SEPTIN7: variants seen among roughly 807,000 people sequenced by gnomAD.
SEPTIN7 encodes the protein septin 7.
In SEPTIN7, 10 loss-of-function variants were observed where a neutral mutation model predicts 63.3. That is an observed-to-expected ratio of 0.16 (90% CI 0.10 to 0.27). The LOEUF is 0.27. Among genes scored for constraint, SEPTIN7 ranks in the 10% least tolerant of loss-of-function variants. The pLI, the probability that SEPTIN7 is intolerant of heterozygous loss-of-function variation, is 1.00. For synonymous variants in SEPTIN7, 131 were observed against 165.3 expected (o/e 0.79, Z 1.59); for missense variants, 310 against 521.0 (o/e 0.59, Z 3.94).
At chr7:35,842,809 T>C (rs1784473002) in intron 3 of SEPTIN7, among the ~76,000 whole-genome samples, 1 of 152,232 alleles carries the variant, frequency 6.6e-6, no homozygotes, top group African/African-American at 2.4e-5. Flanking sequence ...TGCTTCTCTT[T>C]TGTCCCCCTA....
rs567252238 is a variant in SEPTIN7, at chr7:35,899,193, A to C, written c.1134+810A>C. On this transcript the variant is annotated intron_variant, in intron 12 of 13. Transcript: ENST00000350320. ...AAACTATGGGTAATCCCAAAATAAC[A>C]GTGGTTTCAGTATGAAGTTTTCTTC... 2.0e-5 allele frequency: 3 copies of C among 152,368 alleles called. No individual in the cohort carries two copies. The South Asian group carries it at 6.2e-4, about 32-fold the overall frequency. 9.4% of individuals were successfully genotyped at this position (152,368 alleles called of 1,614,324 possible). A position where few individuals can be genotyped will look rare whatever the true frequency, so the allele number is the denominator to read the frequency against.
At chr7:35,813,864 A>G (rs1788887818) in intron 1 of SEPTIN7, among the ~76,000 whole-genome samples, 1 of 152,238 alleles carries the variant, frequency 6.6e-6, no homozygotes, top group Non-Finnish European at 1.5e-5. Flanking sequence ...CTTTGAAATA[A>G]GAGACTATCA....
chr7:35,817,881 C>G (rs1789179264), intron 1 of SEPTIN7, among the ~76,000 whole-genome samples: 1 of 150,648 alleles, frequency 6.6e-6, no homozygotes, highest in African/African-American at 2.4e-5. Context: ...TTTATTAGTT[C>G]CTGTAGTGTT....
chr7:35,840,575 G>A (rs867383929), intron 3 of SEPTIN7, among the ~76,000 whole-genome samples: 1 of 151,842 alleles, frequency 6.6e-6, no homozygotes, highest in African/African-American at 2.4e-5. Flanking sequence ...ATCATGCCTG[G>A]CCAGCAAAAT....
intron 3 of SEPTIN7, among the ~76,000 whole-genome samples, chr7:35,850,978 T>C (rs1418120853): frequency 6.6e-6 from 1 of 152,182 alleles, no homozygotes; most frequent in Non-Finnish European, 1.5e-5. Context: ...CAGATTCTTT[T>C]ATTATAAATA....
At chr7:35,883,867 G>T in intron 8 of SEPTIN7, 24 bp from the exon 9 acceptor site, 1 of 1,412,560 alleles carries the variant, frequency 7.1e-7, no homozygotes, top group South Asian at 1.2e-5. Context: ...AGATGTATTT[G>T]AACAAGAATA....
At chr7:35,915,041 A>G in the SEPTIN7 span, among the ~76,000 whole-genome samples, 3 of 150,366 alleles carry the variant, frequency 2.0e-5, no homozygotes, top group African/African-American at 4.9e-5. Context: ...ACGTACATAT[A>G]TGTATATATG....
At chr7:35,805,297 A>G (rs540742828) in intron 1 of SEPTIN7, among the ~76,000 whole-genome samples, 9 of 152,384 alleles carry the variant, frequency 5.9e-5, no homozygotes, top group Non-Finnish European at 1.3e-4. Flanking sequence ...TTATGGGACT[A>G]CTGTCATAAA....
chr7:35,869,198 A>G (rs547684342), intron 4 of SEPTIN7, among the ~76,000 whole-genome samples: 2 of 152,308 alleles, frequency 1.3e-5, no homozygotes, highest in East Asian at 3.9e-4. Flanking sequence ...GTAAGGAGAC[A>G]GGGATATGAG....
intron 3 of SEPTIN7, among the ~76,000 whole-genome samples, chr7:35,848,799 T>C (rs1174663576): frequency 3.3e-5 from 5 of 152,216 alleles, no homozygotes; most frequent in Non-Finnish European, 7.3e-5. Flanking sequence ...AGGATTTCTC[T>C]GGTAACATGA....
At chr7:35,884,104 A>G in intron 9 of SEPTIN7, 117 bp downstream of exon 9, 1 of 550,944 alleles carries the variant, frequency 1.8e-6, no homozygotes, top group South Asian at 3.1e-5. Context: ...ATTTTCAAGG[A>G]TAATACTGAT....
At chr7:35,802,261 A>G in intron 1 of SEPTIN7, 1 of 370,818 alleles carries the variant, frequency 2.7e-6, no homozygotes, top group Non-Finnish European at 5.5e-6. Context: ...GTTCCATTTC[A>G]GCTGTGTGTA....
At chr7:35,910,699 G>T (rs1287954964), downstream of SEPTIN7, among the ~76,000 whole-genome samples, 1 of 152,160 alleles carries the variant, frequency 6.6e-6, no homozygotes, top group Non-Finnish European at 1.5e-5. Context: ...AAACAAAAAA[G>T]GGGGAGAAAC....
At chr7:35,903,565 T>C (rs1377748635) in intron 13 of SEPTIN7, among the ~76,000 whole-genome samples, 2 of 152,194 alleles carry the variant, frequency 1.3e-5, no homozygotes, top group African/African-American at 2.4e-5. Flanking sequence ...GGGAACATTC[T>C]TCAAAATCTA....
chr7:35,877,942 CA>C (rs1262504457), intron 6 of SEPTIN7, among the ~76,000 whole-genome samples: 1 of 152,136 alleles, frequency 6.6e-6, no homozygotes, highest in African/African-American at 2.4e-5. Flanking sequence ...TACATTTGGG[CA>C]AAATCATCTA....
At chr7:35,890,819 AAG>A (rs1213445678) in intron 11 of SEPTIN7, 26 bp downstream of exon 11, 1 of 1,481,098 alleles carries the variant, frequency 6.8e-7, no homozygotes, top group Non-Finnish European at 8.9e-7. Context: ...TTTCTCCAAA[AAG>A]GTATTATTTC....
intron 3 of SEPTIN7, among the ~76,000 whole-genome samples, chr7:35,859,949 A>C (rs1298140423): frequency 3.3e-5 from 5 of 152,090 alleles, no homozygotes. Flanking sequence ...TGTGCCTTTA[A>C]TTGGGAGAGT....
intron 3 of SEPTIN7, among the ~76,000 whole-genome samples, chr7:35,859,528 ATCCTGTATT>A: frequency 6.6e-6 from 1 of 152,228 alleles, no homozygotes; most frequent in East Asian, 1.9e-4. Flanking sequence ...TTTTCTTCAT[ATCCTGTATT>A]TCCTTGTTTA....
At chr7:35,840,217 C>CT (rs1784344729) in intron 3 of SEPTIN7, among the ~76,000 whole-genome samples, 2 of 88,690 alleles carry the variant, frequency 2.3e-5, no homozygotes, top group African/African-American at 8.7e-5. Flanking sequence ...CTTTCCCCTC[C>CT]CCCCTTCCCC....
Sources: gnomAD v4.1 joint callset for allele counts (sites outside exome capture counted in the v4.1 genomes callset) on GRCh38, gnomAD v4.1.1 for gene constraint, MANE v1.5 for transcripts, NCBI Gene and HGNC (gene_info 2026-07-23, HGNC 2026-07-21) for gene names.